The following KIAA1671 variants were observed in gnomAD, a reference collection of about 807,000 sequenced individuals.
KIAA1671 encodes the protein KIAA1671.
In KIAA1671, 52 loss-of-function variants were observed where a neutral mutation model predicts 131.2. The ratio of observed to expected loss-of-function variants is 0.40; its 90% CI spans 0.32 to 0.50. The LOEUF is 0.50. KIAA1671 is among the 20% of genes least tolerant of loss of function. The probability of loss-of-function intolerance (pLI) is 0.73; values close to 1 mark genes in which losing one functional copy is unlikely to be tolerated. For synonymous variants in KIAA1671, 1,003 were observed against 961.6 expected (o/e 1.04, Z -0.80); for missense variants, 2,360 against 2,364.2 (o/e 1.00, Z 0.04).
chr22:25,049,490 C>A, intron 6 of KIAA1671, 126 bp downstream of exon 6: 1 of 1,088,354 alleles, frequency 9.2e-7, no homozygotes, highest in Non-Finnish European at 1.3e-6. Context: ...CAGCAGGCAA[C>A]TGTCCAGGAA....
intron 6 of KIAA1671, among the ~76,000 whole-genome samples, chr22:25,135,651 T>G (rs1220846742): frequency 6.6e-6 from 1 of 152,216 alleles, no homozygotes; most frequent in African/African-American, 2.4e-5. Flanking sequence ...CTTTTAGATG[T>G]TATTATAATA....
At chr22:25,098,752 G>T (rs1930508812) in intron 6 of KIAA1671, among the ~76,000 whole-genome samples, 1 of 152,132 alleles carries the variant, frequency 6.6e-6, no homozygotes, top group Non-Finnish European at 1.5e-5. Flanking sequence ...AAGATGGGCT[G>T]CCATGGGGAC....
intron 1 of KIAA1671, among the ~76,000 whole-genome samples, chr22:24,995,404 T>C (rs534611389): frequency 6.6e-6 from 1 of 151,072 alleles, no homozygotes; most frequent in South Asian, 2.1e-4. Context: ...TCGCCCAGGC[T>C]GGAGTGCAGT....
chr22:25,021,158 C>T (rs961344242), intron 1 of KIAA1671, among the ~76,000 whole-genome samples: 150 of 152,166 alleles, frequency 9.9e-4, no homozygotes, highest in African/African-American at 3.5e-3. Flanking sequence ...TCAGCCTCCC[C>T]GGCTCAGACA....
At chr22:25,176,981 C>A in intron 8 of KIAA1671, 1 of 186,124 alleles carries the variant, frequency 5.4e-6, no homozygotes. Flanking sequence ...AACAAACAAA[C>A]ATTAATTGAG....
chr22:25,193,857 A>G lies in KIAA1671; in HGVS notation c.*1456A>G, dbSNP rs1934745284. On this transcript the variant is annotated 3_prime_UTR_variant, in exon 13 of 13. Coordinates refer to ENST00000358431, the MANE Select transcript of KIAA1671 (RefSeq NM_001145206.2). ...ACCCACCCAGCCTTTTACACCTGGG[A>G]GCCTCATGCATCTGGGTTTGGGAGT... 1 of 152,178 alleles carries G rather than the reference A, an allele frequency of 6.6e-6. No homozygotes were observed. The highest frequency in any genetic ancestry group is 6.5e-5 in the Admixed American group (1 of 15,282). The allele number at this position is 152,178 out of a possible 1,614,324, so 9.4% of individuals were successfully genotyped here.
chr22:24,979,398 G>A (rs942386201), intron 1 of KIAA1671, among the ~76,000 whole-genome samples: 10 of 148,346 alleles, frequency 6.7e-5, no homozygotes, highest in Non-Finnish European at 1.5e-4. Context: ...TGCCCAGGCC[G>A]GACTGCAGTG....
intron 6 of KIAA1671, chr22:25,053,323 C>T (rs1389327693): frequency 6.6e-6 from 1 of 152,254 alleles, no homozygotes; most frequent in African/African-American, 2.4e-5. Context: ...TCCTCCCTCT[C>T]CTCTTTTCCC....
At chr22:24,956,393 T>C (rs1921702238) in intron 1 of KIAA1671, among the ~76,000 whole-genome samples, 1 of 152,188 alleles carries the variant, frequency 6.6e-6, no homozygotes, top group Admixed American at 6.5e-5. Context: ...CTCTGTGGCA[T>C]TGTGAGGCGT....
At chr22:24,984,169 G>C (rs954072523) in intron 1 of KIAA1671, among the ~76,000 whole-genome samples, 1 of 152,158 alleles carries the variant, frequency 6.6e-6, no homozygotes, top group African/African-American at 2.4e-5. Flanking sequence ...CACTTAATTA[G>C]GAAGGGGCAT....
intron 1 of KIAA1671, among the ~76,000 whole-genome samples, chr22:25,016,412 G>T (rs1215369747): frequency 1.3e-5 from 2 of 152,190 alleles, no homozygotes; most frequent in Admixed American, 6.5e-5. Context: ...CAGTTGCAGA[G>T]AGAAGTGGAA....
At chr22:25,063,363 G>A (rs1928281633) in intron 6 of KIAA1671, 1 of 152,122 alleles carries the variant, frequency 6.6e-6, no homozygotes, top group Non-Finnish European at 1.5e-5. Context: ...ATACACCATG[G>A]AATACTACTC....
chr22:25,106,852 C>G (rs1931030434), intron 6 of KIAA1671, among the ~76,000 whole-genome samples: 1 of 152,192 alleles, frequency 6.6e-6, no homozygotes, highest in Admixed American at 6.5e-5. Flanking sequence ...CTGAGCAAGT[C>G]CCTTTTTGAA....
At chr22:25,158,110 C>T (rs1933307169) in intron 6 of KIAA1671, among the ~76,000 whole-genome samples, 1 of 152,216 alleles carries the variant, frequency 6.6e-6, no homozygotes, top group Admixed American at 6.5e-5. Flanking sequence ...CGTGAGCCAC[C>T]ATGCCCAGCC....
At chr22:24,968,770 C>G (rs574466829) in intron 1 of KIAA1671, among the ~76,000 whole-genome samples, 10 of 152,246 alleles carry the variant, frequency 6.6e-5, no homozygotes, top group African/African-American at 2.4e-4. Flanking sequence ...CTTGGCTTCC[C>G]CTCCACACCA....
chr22:25,080,819 C>T (rs1254502676), intron 6 of KIAA1671, among the ~76,000 whole-genome samples: 1 of 152,062 alleles, frequency 6.6e-6, no homozygotes, highest in Non-Finnish European at 1.5e-5. Flanking sequence ...TTGCTTTTTA[C>T]AGTAATAAAA....
chr22:25,115,950 A>G lies in KIAA1671; in HGVS notation c.4531-54870A>G, dbSNP rs1267276719. Among the ~76,000 whole-genome samples, 8 of 152,098 alleles carry G rather than the reference A, an allele frequency of 5.3e-5. No individual in the cohort carries two copies. In the East Asian group the frequency reaches 1.5e-3, roughly 29 times the overall value. On this transcript the variant is annotated intron_variant, in intron 6 of 12. Transcript: ENST00000358431. ...CTCCACAACACTGGCTAATTTTTGT[A>G]TTTTTAGTAGAGACAGGGTTTCACC... is the stretch of plus-strand genomic sequence containing the variant.
At chr22:25,064,415 A>C (rs1012300408) in intron 6 of KIAA1671, 1 of 152,126 alleles carries the variant, frequency 6.6e-6, no homozygotes, top group Non-Finnish European at 1.5e-5. Flanking sequence ...TGTACGTAGT[A>C]CCTCATTCAT....
intron 6 of KIAA1671, among the ~76,000 whole-genome samples, chr22:25,107,850 A>G (rs1347836079): frequency 6.6e-6 from 1 of 152,130 alleles, no homozygotes; most frequent in Non-Finnish European, 1.5e-5. Flanking sequence ...TCTACTAAAA[A>G]TACAAAAATT....
Sources: gnomAD v4.1 joint callset for allele counts (sites outside exome capture counted in the v4.1 genomes callset) on GRCh38, gnomAD v4.1.1 for gene constraint, MANE v1.5 for transcripts, NCBI Gene and HGNC (gene_info 2026-07-23, HGNC 2026-07-21) for gene names.